The following PEX1 variants were observed in gnomAD, a reference collection of about 807,000 sequenced individuals.
PEX1 encodes the protein peroxisomal ATPase PEX1.
Under a neutral mutation model 152.5 loss-of-function variants are expected in PEX1, and 97 were observed. The ratio of observed to expected loss-of-function variants is 0.64; its 90% CI spans 0.54 to 0.75. The LOEUF (loss-of-function observed/expected upper bound fraction) is 0.75, where lower values mean the gene tolerates loss of function less well. PEX1 is among the 30% of genes least tolerant of loss of function. The pLI is 0.00. For synonymous variants in PEX1, 485 were observed against 531.6 expected (o/e 0.91, Z 1.21); for missense variants, 1,357 against 1,516.3 (o/e 0.89, Z 1.74).
At position 92,491,382 on chromosome 7, in the gene PEX1, A is replaced by G; in HGVS notation, c.3328T>C (p.Ser1110Pro). ...GGAAGGATCTCGGACATCTCTAAAG[A>G]AACAAGGGACTGATCTAAGCCACAT... Reference protein sequence around the residue: ...GECGLDQSLVSLEMSEILPDE... With the variant: ...GECGLDQSLVPLEMSEILPDE... The change falls in exon 21 of 24, where the codon TCT becomes CCT. Residue 1110 changes from serine to proline, a missense_variant. Transcript: ENST00000248633. 6.2e-7 allele frequency: 1 copy of G among 1,613,856 alleles called. No individual in the cohort carries two copies. Among genetic ancestry groups the G allele is most frequent in the South Asian group, 1.1e-5 (1 of 91,080 alleles).
At chr7:92,508,114 A>G (rs1792287797) in intron 9 of PEX1, among the ~76,000 whole-genome samples, 1 of 152,214 alleles carries the variant, frequency 6.6e-6, no homozygotes, top group African/African-American at 2.4e-5. Flanking sequence ...AGTACTGAGG[A>G]TAACTAAAAA....
At chr7:92,501,380 AT>A (rs1234336992) in intron 15 of PEX1, 126 bp downstream of exon 15, 2 of 730,854 alleles carry the variant, frequency 2.7e-6, no homozygotes, top group Non-Finnish European at 4.9e-6. Context: ...TAAGACATTT[AT>A]TTGGTAACTC....
At chr7:92,491,889 AG>A (rs1447722085) in intron 20 of PEX1, among the ~76,000 whole-genome samples, 3 of 152,202 alleles carry the variant, frequency 2.0e-5, no homozygotes, top group Non-Finnish European at 1.5e-5. Flanking sequence ...CTGGTAGTAA[AG>A]GGAGAGGGAA....
At chr7:92,489,646 A>C (rs1219765619) in intron 22 of PEX1, 68 bp downstream of exon 22, 1 of 1,395,048 alleles carries the variant, frequency 7.2e-7, no homozygotes, top group Non-Finnish European at 1.0e-6. Flanking sequence ...TCAAAGAAAT[A>C]TATATCAAAA....
At chr7:92,507,245 C>A (rs1792238939) in intron 9 of PEX1, 119 bp from the exon 10 acceptor site, 2 of 692,954 alleles carry the variant, frequency 2.9e-6, no homozygotes, top group Non-Finnish European at 4.5e-6. Flanking sequence ...AATTTTTTAT[C>A]TTTTTTTTTT....
rs187283496 is a variant in PEX1, at chr7:92,510,102, C to T, written c.1588-691G>A. On this transcript the variant is annotated intron_variant, in intron 8 of 23. Coordinates refer to ENST00000248633, the MANE Select transcript of PEX1 (RefSeq NM_000466.3). Reference sequence around the variant, plus strand: ...GAGGTTGCAGTGAGCCGAGAGTGTGCCACTGCACTCCAGCCTGGGTGACAG... The same window carrying T: ...GAGGTTGCAGTGAGCCGAGAGTGTGTCACTGCACTCCAGCCTGGGTGACAG... Among the ~76,000 whole-genome samples the T allele has an allele frequency of 3.7e-3, 560 of 151,048 alleles. 1 individual carries two copies. The highest frequency in any genetic ancestry group is 0.013 in the African/African-American group (545 of 41,214).
At position 92,503,062 on chromosome 7, in the gene PEX1, T is replaced by C. The variant is rs201308230; in HGVS notation, c.2205A>G (p.Gln735=). ...TTACCTGATTAGGAGGCTGAATGTG[T>C]TGGACGCACTGAAATATGTGAACTC... ...AQGVHIFQCV[Q]HIQPPNQEQR... is the part of the protein sequence containing the mutation. Residue 735 remains glutamine (Q), a synonymous_variant, in exon 13 of 24, where the codon CAA becomes CAG. Transcript: ENST00000248633. 2.5e-6 allele frequency: 4 copies of C among 1,613,632 alleles called. No individual in the cohort carries two copies. The highest frequency in any genetic ancestry group is 2.2e-5 in the South Asian group (2 of 91,076).
chr7:92,506,401 C>T (rs1025277495), intron 10 of PEX1, 57 bp from the exon 11 acceptor site: 2 of 1,098,306 alleles, frequency 1.8e-6, no homozygotes, highest in Non-Finnish European at 2.8e-6. Flanking sequence ...GAAATAGTTC[C>T]TGTCATTGTG....
rs1162642408 is a variant in PEX1, at chr7:92,522,206, A to G, written c.169T>C (p.Phe57Leu). Reference sequence around the variant, plus strand: ...TGCCTGCCTTCCACCCAGCTCAAGAATGCAGGCTGGTGACTCCAGACCACT... The same window carrying G: ...TGCCTGCCTTCCACCCAGCTCAAGAGTGCAGGCTGGTGACTCCAGACCACT... ...IEVVWSHQPA[F>L]LSWVEGRHFS... The change falls in exon 2 of 24, where the codon TTC becomes CTC. Residue 57 changes from phenylalanine (F) to leucine (L), a missense_variant. Transcript: ENST00000248633. 7.4e-6 allele frequency: 12 copies of G among 1,613,994 alleles called. No individual in the cohort carries two copies. Among genetic ancestry groups the G allele is most frequent in the Non-Finnish European group, 1.0e-5 (12 of 1,179,970 alleles).
In PEX1 at chr7:92,506,140, G is replaced by T. The variant is rs565189633; in HGVS notation, c.1900+108C>A. On this transcript the variant is annotated intron_variant, in intron 11 of 23. Coordinates refer to ENST00000248633, the MANE Select transcript of PEX1 (RefSeq NM_000466.3). ...TAATGACTAAATGATAAACAGAAAA[G>T]TTAAAGACTAGATGATATGTGTATT... The T allele has an allele frequency of 4.6e-5, 27 of 585,614 alleles. No homozygotes were observed. In the African/African-American group the frequency reaches 5.2e-4, roughly 11 times the overall value. 36.3% of individuals were successfully genotyped at this position (585,614 alleles called of 1,614,324 possible).
At chr7:92,527,874 T>G (rs1793361715) in intron 1 of PEX1, among the ~76,000 whole-genome samples, 1 of 152,250 alleles carries the variant, frequency 6.6e-6, no homozygotes, top group Admixed American at 6.5e-5. Context: ...GACGCGGTGC[T>G]TAGTCCCCGG....
chr7:92,496,544 G>A (rs1051272684), intron 17 of PEX1, among the ~76,000 whole-genome samples, 169 bp downstream of exon 17: 6 of 152,080 alleles, frequency 3.9e-5, no homozygotes, highest in African/African-American at 1.4e-4. Context: ...TATCTAAAAT[G>A]TTTTGTATTA....
intron 22 of PEX1, 61 bp downstream of exon 22, chr7:92,489,653 A>G (rs901117243): frequency 7.5e-6 from 11 of 1,463,300 alleles, no homozygotes; most frequent in Non-Finnish European, 1.1e-5. Context: ...AATATATATC[A>G]AAAGGGTGAA....
chr7:92,494,707 GTATT>G, intron 17 of PEX1, 78 bp from the exon 18 acceptor site: 9 of 1,103,054 alleles, frequency 8.2e-6, no homozygotes, highest in South Asian at 1.4e-5. Context: ...ATATATGAAT[GTATT>G]TATTTTATGT....
chr7:92,527,145 A>C (rs1035718883), intron 1 of PEX1, among the ~76,000 whole-genome samples: 25 of 152,238 alleles, frequency 1.6e-4, no homozygotes, highest in African/African-American at 5.1e-4. Flanking sequence ...TACTTCCCGA[A>C]GGCTCAAAAT....
chr7:92,522,121 C>T lies in PEX1; in HGVS notation c.254G>A (p.Gly85Glu), dbSNP rs771224088. The change falls in exon 2 of 24, where the codon GGA (glycine) becomes GAA (glutamate). Residue 85 changes from glycine to glutamate, a missense_variant. By Grantham distance (98) the Gly-to-Glu change is moderately conservative. Coordinates refer to ENST00000248633, the MANE Select transcript of PEX1 (RefSeq NM_000466.3). Reference protein sequence around the residue: ...EINRQVGQKLGLSNGGQVFLK... With the variant: ...EINRQVGQKLELSNGGQVFLK... ...GCTTACCTGTCCCCCATTTGAGAGT[C>T]CAAGTTTTTGACCAACTTGTCTGTT... is the stretch of plus-strand genomic sequence containing the variant. The T allele has an allele frequency of 9.9e-6, 16 of 1,613,946 alleles. No homozygotes were observed. The Middle Eastern group carries it at 9.9e-4, about 99-fold the overall frequency.
At chr7:92,515,091 A>C (rs1248312990) in intron 5 of PEX1, among the ~76,000 whole-genome samples, 61 of 4,214 alleles carry the variant, frequency 0.014, 2 homozygotes, top group Middle Eastern at 0.17. Flanking sequence ...ATATATATAT[A>C]TATATATATA....
chr7:92,502,520 C>A (rs1791981825), intron 13 of PEX1, among the ~76,000 whole-genome samples: 2 of 152,150 alleles, frequency 1.3e-5, no homozygotes, highest in African/African-American at 4.8e-5. Context: ...TGACCAATAT[C>A]TCAAATACCA....
Position 92,501,947 on chromosome 7 carries a change from G to A in PEX1, c.2359C>T (p.Leu787Phe), listed in dbSNP as rs1482163833. 5 of 1,613,860 alleles carry A rather than the reference G, an allele frequency of 3.1e-6. No individual in the cohort carries two copies. Among genetic ancestry groups the A allele is most frequent in the Non-Finnish European group, 4.2e-6 (5 of 1,179,880 alleles). Residue 787 changes from leucine to phenylalanine, a missense_variant, in exon 14 of 24, where the codon CTT becomes TTT. Physicochemically the swap from Leu to Phe is conservative, Grantham distance 22. Transcript: ENST00000248633. ...CGAGAATGTATGGCTCGATCCACAA[G>A]TACTGTAAAATCTCTAGCCACAAAC... Reference protein sequence around the residue: ...GGFVARDFTVLVDRAIHSRLS... With the variant: ...GGFVARDFTVFVDRAIHSRLS...
Sources: allele counts gnomAD v4.1 joint callset (sites outside exome capture counted in the v4.1 genomes callset), GRCh38; gene constraint gnomAD v4.1.1; transcripts MANE v1.5; gene names NCBI Gene and HGNC (gene_info 2026-07-23, HGNC 2026-07-21).